The following DCHS2 variants were observed in gnomAD, a reference collection of about 807,000 sequenced individuals.
The protein encoded by DCHS2 is dachsous cadherin-related 2.
In DCHS2, 142 loss-of-function variants were observed where a neutral mutation model predicts 182.4. That is an observed-to-expected ratio of 0.78 (90% CI 0.68 to 0.89). DCHS2 has a LOEUF of 0.89. Ranked by LOEUF, DCHS2 falls within the 40% of genes least tolerant of loss-of-function variation. DCHS2 has a pLI of 0.00. For synonymous variants in DCHS2, 1,740 were observed against 1,663.3 expected, an observed-to-expected ratio of 1.05 and a Z score of -1.12; for missense variants, 4,319 against 4,198.6, an observed-to-expected ratio of 1.03 and a Z score of -0.79.
At chr4:154,266,334 G>GT (rs1491513039) in intron 14 of DCHS2, among the ~76,000 whole-genome samples, 24 of 133,638 alleles carry the variant, frequency 1.8e-4, no homozygotes, top group African/African-American at 4.6e-4. Flanking sequence ...TTTTTTTTTT[G>GT]TTGTTTGTTT....
chr4:154,274,916 A>G (rs1733767144), intron 13 of DCHS2, among the ~76,000 whole-genome samples: 1 of 152,086 alleles, frequency 6.6e-6, no homozygotes, highest in Admixed American at 6.6e-5. Context: ...AACAAAAAAA[A>G]CAGCTACTCA....
At chr4:154,407,276 T>C (rs1052008017) in intron 1 of DCHS2, among the ~76,000 whole-genome samples, 1 of 152,148 alleles carries the variant, frequency 6.6e-6, no homozygotes, top group Admixed American at 6.5e-5. Context: ...GACCTTAACT[T>C]CTATTTCTCC....
intron 3 of DCHS2, among the ~76,000 whole-genome samples, chr4:154,365,351 A>G (rs28645408): frequency 0.013 from 2,050 of 152,362 alleles, 43 homozygotes; most frequent in African/African-American, 0.045. Context: ...AGATGGCATG[A>G]TCATACAAAT....
chr4:154,476,849 A>T (rs906875481), intron 1 of DCHS2, among the ~76,000 whole-genome samples: 1 of 152,174 alleles, frequency 6.6e-6, no homozygotes, highest in Non-Finnish European at 1.5e-5. Context: ...TGCATAATGC[A>T]TATTATCTTT....
rs151089477 is a variant in DCHS2 at position 154,236,591 on chromosome 4, G to T, written c.8061C>A (p.Val2687=). The T allele has an allele frequency of 2.5e-6, 4 of 1,613,998 alleles. No homozygotes were observed. The highest frequency in any genetic ancestry group is 3.4e-6 in the Non-Finnish European group (4 of 1,179,960). ...ACCCTGTGTCACGGTCATTTGCTGA[G>T]ACCACAGTGATGTGACTCCCTAGAG... is the stretch of plus-strand genomic sequence containing the variant. ...STPLGSHITV[V]SANDRDTGSH... is the part of the protein sequence containing the mutation. The change falls in exon 20 of 20, where the codon GTC becomes GTA. Residue 2687 remains valine (V), a synonymous_variant. Transcript: ENST00000357232.
Position 154,235,017 on chromosome 4 carries a change from T to G in DCHS2, c.9635A>C (p.Glu3212Ala). 6.2e-7 allele frequency: 1 copy of G among 1,613,968 alleles called. No individual in the cohort carries two copies. Among genetic ancestry groups the G allele is most frequent in the East Asian group, 2.2e-5 (1 of 44,822 alleles). Reference sequence around the variant, plus strand: ...AGTTGAAAGAGCTGCACACCTTACTTCCTGATCACCTGAAATAAAGACAGA... The same window carrying G: ...AGTTGAAAGAGCTGCACACCTTACTGCCTGATCACCTGAAATAAAGACAGA... ...KESVFISGDQ[E>A]VRCAALSTQT... The change falls in exon 20 of 20, where the codon GAA (glutamate) becomes GCA (alanine). Residue 3212 changes from glutamate to alanine, a missense_variant. Coordinates refer to ENST00000357232, the MANE Select transcript of DCHS2 (RefSeq NM_001358235.2).
intron 1 of DCHS2, among the ~76,000 whole-genome samples, chr4:154,469,822 A>G (rs981142529): frequency 6.6e-6 from 1 of 152,234 alleles, no homozygotes; most frequent in Non-Finnish European, 1.5e-5. Context: ...CAACTGTAAC[A>G]TCATCCTGTT....
intron 12 of DCHS2, among the ~76,000 whole-genome samples, chr4:154,302,981 A>T (rs1305993578): frequency 6.6e-5 from 6 of 90,368 alleles, no homozygotes; most frequent in African/African-American, 2.2e-4. Flanking sequence ...ACACACACAC[A>T]TATTTTTTTT....
chr4:154,476,739 G>T (rs1457690542), intron 1 of DCHS2, among the ~76,000 whole-genome samples: 1 of 152,212 alleles, frequency 6.6e-6, no homozygotes. Flanking sequence ...ATACTAAGTG[G>T]TTACCTGTGA....
At chr4:154,382,663 A>T (rs1731223637) in intron 1 of DCHS2, among the ~76,000 whole-genome samples, 1 of 152,114 alleles carries the variant, frequency 6.6e-6, no homozygotes, top group Non-Finnish European at 1.5e-5. Flanking sequence ...AAAACAAATA[A>T]CCCCATTAAA....
In DCHS2 at chr4:154,240,788, CT is replaced by C. The variant is rs1560976123; in HGVS notation, c.7107del (p.Val2370PhefsTer6). The C allele has an allele frequency of 6.2e-7, 1 of 1,613,848 alleles. No homozygotes were observed. Among genetic ancestry groups the C allele is most frequent in the Non-Finnish European group, 8.5e-7 (1 of 1,179,882 alleles). ...SLPGVIVTHV[S>X]VHDVDLNSAF... ...GCTGAATTCAAATCCACATCATGAA[CT>C]GACACATGAGTCACAATTACACCAG... On this transcript the variant is annotated frameshift_variant, in exon 18 of 20. Transcript: ENST00000357232. LOFTEE classifies it high-confidence loss of function.
Position 154,304,759 on chromosome 4 carries a change from G to A in DCHS2, c.5515C>T (p.Leu1839=). The A allele has an allele frequency of 6.2e-7, 1 of 1,614,026 alleles. No individual in the cohort carries two copies. The highest frequency in any genetic ancestry group is 1.1e-5 in the South Asian group (1 of 91,068). ...ACAACCTCTGGTTCCTGGTTTTCCA[G>A]AACCTCAATGTCATAACTGGAAACA... ...FIVSSYDIEV[L]ENQEPEVVYT... is the part of the protein sequence containing the mutation. Residue 1839 remains leucine, a synonymous_variant, in exon 12 of 20, where the codon CTG becomes TTG. Transcript: ENST00000357232.
chr4:154,489,366 A>AGAAGATGG lies in DCHS2; in HGVS notation c.1982_1989dup (p.Trp664ProfsTer25). On this transcript the variant is annotated frameshift_variant, in exon 1 of 20. Transcript: ENST00000357232. LOFTEE classifies it high-confidence loss of function. The stretch of plus-strand genomic sequence containing the variant: ...ATGGTGGCATTGTACACCTGCCTCC[A>AGAAGATGG]GAAGATGGGCTCATTGTCATTCACA... 3 of 1,549,920 alleles carry AGAAGATGG rather than the reference A, an allele frequency of 1.9e-6. No homozygotes were observed. Among genetic ancestry groups the AGAAGATGG allele is most frequent in the Non-Finnish European group, 2.6e-6 (3 of 1,145,628 alleles).
intron 13 of DCHS2, among the ~76,000 whole-genome samples, chr4:154,280,438 C>T (rs1156618643): frequency 6.6e-6 from 1 of 152,160 alleles, no homozygotes; most frequent in Non-Finnish European, 1.5e-5. Context: ...TTCTTCAGAC[C>T]AATCTCCCTG....
chr4:154,445,750 G>A (rs1485987446), intron 1 of DCHS2, among the ~76,000 whole-genome samples: 1 of 150,756 alleles, frequency 6.6e-6, no homozygotes, highest in African/African-American at 2.4e-5. Context: ...GTTCTAGGCT[G>A]CAGTGAGCTG....
Position 154,320,878 on chromosome 4 carries a change from G to A in DCHS2, c.4521C>T (p.Ser1507=). Reference sequence around the variant, plus strand: ...CAATGAGCTCATCCTGGAAAGATGGGGAATGGTCATTCTGATCTTCCACAT... The same window carrying A: ...CAATGAGCTCATCCTGGAAAGATGGAGAATGGTCATTCTGATCTTCCACAT... ...SIDVEDQNDH[S]PSFQDELIVI... The change falls in exon 9 of 20, where the codon TCC becomes TCT. Residue 1507 remains serine, a synonymous_variant. Coordinates refer to ENST00000357232, the MANE Select transcript of DCHS2 (RefSeq NM_001358235.2). 6.2e-7 allele frequency: 1 copy of A among 1,613,964 alleles called. No individual in the cohort carries two copies. Among genetic ancestry groups the A allele is most frequent in the Non-Finnish European group, 8.5e-7 (1 of 1,179,996 alleles).
At chr4:154,424,343 C>T (rs1007432193) in intron 1 of DCHS2, among the ~76,000 whole-genome samples, 1 of 152,092 alleles carries the variant, frequency 6.6e-6, no homozygotes, top group African/African-American at 2.4e-5. Flanking sequence ...ACATTCCAAG[C>T]AAATGTGTGT....
intron 15 of DCHS2, 33 bp downstream of exon 15, chr4:154,259,511 CA>C: frequency 6.2e-7 from 1 of 1,604,044 alleles, no homozygotes; most frequent in South Asian, 1.1e-5. Flanking sequence ...CACACACACA[CA>C]CACACACACA....
At chr4:154,483,099 A>C (rs959474297) in intron 1 of DCHS2, among the ~76,000 whole-genome samples, 2 of 152,206 alleles carry the variant, frequency 1.3e-5, no homozygotes, top group African/African-American at 2.4e-5. Context: ...TGAGTGTTTC[A>C]GAGAGTGTGT....
Sources: allele counts gnomAD v4.1 joint callset (sites outside exome capture counted in the v4.1 genomes callset), GRCh38; gene constraint gnomAD v4.1.1; transcripts MANE v1.5; gene names NCBI Gene and HGNC (gene_info 2026-07-23, HGNC 2026-07-21).